Variants in SYT2 observed in about 807,000 individuals in gnomAD.
SYT2 encodes the protein synaptotagmin-2.
SYT2 carries 15 observed loss-of-function variants against 39.9 expected under a neutral mutation model. The ratio of observed to expected loss-of-function variants is 0.38; its 90% CI spans 0.25 to 0.58. The LOEUF is 0.58. Among genes scored for constraint, SYT2 ranks in the 20% least tolerant of loss-of-function variants. The pLI, the probability that SYT2 is intolerant of heterozygous loss-of-function variation, is 0.70. For missense variants in SYT2, 389 were observed against 530.3 expected, an observed-to-expected ratio of 0.73 and a Z score of 2.62; for synonymous variants, 181 against 204.5, an observed-to-expected ratio of 0.89 and a Z score of 0.98.
rs1255093198 is a variant in SYT2 at position 202,603,150 on chromosome 1, T to TA, written c.346-33dup. On this transcript the variant is annotated intron_variant, in intron 3 of 8. Coordinates refer to ENST00000367268, the MANE Select transcript of SYT2 (RefSeq NM_177402.5). ...GAGCTGGGGGAGAGAGGGAACAAGT[T>TA]AAAAGGGGAGGACCGAGAAGTCTGG... 1.9e-6 allele frequency: 3 copies of TA among 1,612,896 alleles called. No individual in the cohort carries two copies. In the South Asian group the frequency reaches 3.3e-5, roughly 18 times the overall value.
chr1:202,603,943 A>G (rs1473331672), intron 3 of SYT2, among the ~76,000 whole-genome samples: 1 of 152,162 alleles, frequency 6.6e-6, no homozygotes, highest in Non-Finnish European at 1.5e-5. Context: ...AAAGAAGAAA[A>G]GGAGCTTTCT....
chr1:202,619,159 A>T (rs1453994597), intron 1 of SYT2, among the ~76,000 whole-genome samples: 2 of 152,150 alleles, frequency 1.3e-5, no homozygotes, highest in African/African-American at 4.8e-5. Flanking sequence ...GAGCCAAATT[A>T]TCGGGAACTC....
Position 202,602,492 on chromosome 1 carries a change from G to A in SYT2, c.519C>T (p.Gly173=), listed in dbSNP as rs146524805. 1.8e-3 allele frequency: 2,952 copies of A among 1,614,054 alleles called. 29 individuals carry two copies. The highest frequency in any genetic ancestry group is 0.017 in the South Asian group (1,576 of 91,078). ...AAELPALDMG[G]TSDPYVKVFL... is the part of the protein sequence containing the mutation. ...AGACCTTGACATAAGGGTCTGAGGT[G>A]CCTCCCATGTCCAGGGCAGGCAGTT... Residue 173 remains glycine (G), a synonymous_variant, in exon 5 of 9, where the codon GGC becomes GGT. Coordinates refer to ENST00000367268, the MANE Select transcript of SYT2 (RefSeq NM_177402.5).
chr1:202,683,839 G>A (rs530651213), intron 1 of SYT2, among the ~76,000 whole-genome samples: 2 of 152,084 alleles, frequency 1.3e-5, no homozygotes, highest in Admixed American at 6.5e-5. Context: ...GGAAATTGAG[G>A]CATTTCCCAT....
chr1:202,624,597 CTG>C lies in SYT2; in HGVS notation c.-17-18810_-17-18809del, dbSNP rs200440418. On this transcript the variant is annotated intron_variant, in intron 1 of 8. Transcript: ENST00000367268. ...GTGTGGTGTGTGATGTGTGTGGTAT[CTG>C]TGTGGTGTGTGTGGTGTCATAGAGT... Among the ~76,000 whole-genome samples, 202 of 99,330 alleles carry C rather than the reference CTG, an allele frequency of 2.0e-3. 4 individuals carry two copies. In the East Asian group the frequency reaches 0.054, roughly 26 times the overall value. 65.2% of individuals were successfully genotyped at this position (99,330 alleles called of 152,430 possible).
intron 1 of SYT2, among the ~76,000 whole-genome samples, chr1:202,637,666 T>C (rs1691777111): frequency 6.6e-6 from 1 of 152,262 alleles, no homozygotes; most frequent in African/African-American, 2.4e-5. Flanking sequence ...CGGCTGCTCA[T>C]AGGTGCTGCA....
intron 1 of SYT2, chr1:202,632,662 C>A (rs1691626954): frequency 1.1e-6 from 1 of 890,840 alleles, no homozygotes. Flanking sequence ...AGACACAGAC[C>A]TGCCCCGGAG....
intron 1 of SYT2, among the ~76,000 whole-genome samples, chr1:202,613,180 A>G (rs540653404): frequency 3.4e-5 from 5 of 149,020 alleles, no homozygotes; most frequent in African/African-American, 1.2e-4. Flanking sequence ...TCCTGGGCTC[A>G]AGCAATTCTC....
chr1:202,604,697 T>G (rs1031740111), intron 2 of SYT2, 76 bp from the exon 3 acceptor site: 51 of 1,457,882 alleles, frequency 3.5e-5, no homozygotes, highest in Non-Finnish European at 4.7e-5. Context: ...TTGGGAAAAA[T>G]GGGTGAGGAA....
chr1:202,625,057 G>A, intron 1 of SYT2, among the ~76,000 whole-genome samples: 4 of 152,302 alleles, frequency 2.6e-5, no homozygotes, highest in African/African-American at 9.6e-5. Flanking sequence ...CTAGTAGGGT[G>A]TGTGGTGTGT....
intron 1 of SYT2, among the ~76,000 whole-genome samples, chr1:202,650,094 G>C (rs1692162347): frequency 6.6e-6 from 1 of 152,266 alleles, no homozygotes; most frequent in African/African-American, 2.4e-5. Flanking sequence ...ATGTTTGGCA[G>C]AGGGCCCCGG....
chr1:202,659,860 G>C (rs976250859), intron 1 of SYT2, among the ~76,000 whole-genome samples: 4 of 152,164 alleles, frequency 2.6e-5, no homozygotes, highest in Non-Finnish European at 5.9e-5. Flanking sequence ...ATGTAAGTTG[G>C]GGGTGAGGGG....
At chr1:202,686,533 GTGGCA>G (rs889362210) in intron 1 of SYT2, among the ~76,000 whole-genome samples, 5 of 152,124 alleles carry the variant, frequency 3.3e-5, no homozygotes, top group African/African-American at 1.2e-4. Flanking sequence ...TGAGAAAGAA[GTGGCA>G]TGATAATGGG....
rs1690573226 is a variant in SYT2, at chr1:202,603,067, C to T, written c.397G>A (p.Glu133Lys). The change falls in exon 4 of 9, where the codon GAG becomes AAG. Residue 133 changes from glutamate (E) to lysine (K), a missense_variant. By Grantham distance (56) the Glu-to-Lys change is moderately conservative (BLOSUM62 1). Coordinates refer to ENST00000367268, the MANE Select transcript of SYT2 (RefSeq NM_177402.5). ...GLTEGEGEGEEEKEPENLGKL... is the reference protein window; with the variant it reads ...GLTEGEGEGEKEKEPENLGKL... ...CCCAGGTTCTCTGGCTCTTTCTCCTCCTCCCCTTCACCTTCCCCCTCAGTC... is the reference window on the plus strand; with the variant it reads ...CCCAGGTTCTCTGGCTCTTTCTCCTTCTCCCCTTCACCTTCCCCCTCAGTC... 5 of 1,614,148 alleles carry T rather than the reference C, an allele frequency of 3.1e-6. No individual in the cohort carries two copies. Among genetic ancestry groups the T allele is most frequent in the Non-Finnish European group, 8.5e-7 (1 of 1,180,012 alleles).
rs1690126833 is a variant in SYT2 at position 202,591,734 on chromosome 1, C to G, written c.*5023G>C. Reference sequence around the variant, plus strand: ...CCTCCTCCATCACCACCCACAGACCCTCACACTACAGAGGTGAGTAAGCAG... The same window carrying G: ...CCTCCTCCATCACCACCCACAGACCGTCACACTACAGAGGTGAGTAAGCAG... On this transcript the variant is annotated 3_prime_UTR_variant, in exon 9 of 9. Transcript: ENST00000367268. 1 of 152,626 alleles carries G rather than the reference C, an allele frequency of 6.6e-6. No individual in the cohort carries two copies. The highest frequency in any genetic ancestry group is 2.4e-5 in the African/African-American group (1 of 41,322). The allele number at this position is 152,626 out of a possible 1,614,324, so 9.5% of individuals were successfully genotyped here.
chr1:202,606,055 AG>A (rs1690695975), intron 1 of SYT2, among the ~76,000 whole-genome samples: 1 of 152,140 alleles, frequency 6.6e-6, no homozygotes, highest in South Asian at 2.1e-4. Context: ...ACTTGAGTCC[AG>A]GAGTTTGAGG....
At chr1:202,639,772 T>C in intron 1 of SYT2, 1 of 985,478 alleles carries the variant, frequency 1.0e-6, no homozygotes, top group South Asian at 4.7e-5. Context: ...GACTAGAGCA[T>C]GCAAACTCCT....
intron 1 of SYT2, among the ~76,000 whole-genome samples, chr1:202,613,416 C>T (rs1370967139): frequency 6.6e-6 from 1 of 151,534 alleles, no homozygotes; most frequent in Non-Finnish European, 1.5e-5. Flanking sequence ...TGTGTGTGTG[C>T]ATGTGTGTGT....
chr1:202,624,551 G>A (rs111205730), intron 1 of SYT2, among the ~76,000 whole-genome samples: 1,489 of 114,102 alleles, frequency 0.013, 21 homozygotes, highest in African/African-American at 0.057. Context: ...TGTGTGTGGT[G>A]TGTGTGGTGT....
Sources: gnomAD v4.1 joint callset for allele counts (sites outside exome capture counted in the v4.1 genomes callset) on GRCh38, gnomAD v4.1.1 for gene constraint, MANE v1.5 for transcripts, NCBI Gene and HGNC (gene_info 2026-07-23, HGNC 2026-07-21) for gene names.